STK4: variants seen among roughly 807,000 people sequenced by gnomAD.
STK4 encodes serine/threonine kinase 4.
In STK4, 30 loss-of-function variants were observed where a neutral mutation model predicts 64.9. The observed-to-expected ratio is 0.46, with a 90% CI of 0.35 to 0.63. The LOEUF is 0.63. Among genes scored for constraint, STK4 ranks in the 20% least tolerant of loss-of-function variants. STK4 has a pLI of 0.01. For synonymous variants in STK4, 177 were observed against 199.0 expected (o/e 0.89, Z 0.93); for missense variants, 466 against 598.5 (o/e 0.78, Z 2.31).
intron 10 of STK4, among the ~76,000 whole-genome samples, chr20:45,044,377 G>A (rs1263812882): frequency 6.6e-6 from 1 of 152,140 alleles, no homozygotes; most frequent in Non-Finnish European, 1.5e-5. Flanking sequence ...CCGAACCAGT[G>A]GCTCATGCCT....
At chr20:44,987,965 C>T (rs539082219) in intron 5 of STK4, among the ~76,000 whole-genome samples, 19 of 149,948 alleles carry the variant, frequency 1.3e-4, no homozygotes, top group South Asian at 1.0e-3. Context: ...GTGTTATGTA[C>T]GGTTTTTTTT....
At chr20:45,029,192 T>G (rs1308089286) in intron 10 of STK4, among the ~76,000 whole-genome samples, 1 of 152,208 alleles carries the variant, frequency 6.6e-6, no homozygotes, top group Non-Finnish European at 1.5e-5. Context: ...CCTACATTAT[T>G]GGTTAATGGT....
At chr20:45,012,272 G>A (rs1178975169) in intron 9 of STK4, among the ~76,000 whole-genome samples, 2 of 152,056 alleles carry the variant, frequency 1.3e-5, no homozygotes, top group Non-Finnish European at 2.9e-5. Context: ...CTGACCTCGT[G>A]ATCCGTCCAC....
intron 1 of STK4, 59 bp downstream of exon 1, chr20:44,966,662 T>TG (rs2067155428): frequency 3.2e-6 from 4 of 1,258,510 alleles, no homozygotes; most frequent in Non-Finnish European, 4.0e-6. Flanking sequence ...AGGCGGGAAC[T>TG]GGTTGAGGGG....
rs551567076 is a variant in STK4 at position 45,005,570 on chromosome 20, C to T, written c.1147+4217C>T. On this transcript the variant is annotated intron_variant, in intron 9 of 10. Transcript: ENST00000372806. ...GGCTAAGGCAGGAGAGTGGCGTGAA[C>T]CTGGGAGGCGGAGGTTGCAGTGAAC... 1.2e-3 allele frequency among the ~76,000 whole-genome samples: 187 copies of T among 150,532 alleles called. 1 individual carries two copies. Among genetic ancestry groups the T allele is most frequent in the Non-Finnish European group, 2.2e-3 (148 of 67,774 alleles).
chr20:44,998,934 G>A (rs150267989), intron 7 of STK4, among the ~76,000 whole-genome samples: 303 of 152,150 alleles, frequency 2.0e-3, no homozygotes, highest in African/African-American at 6.9e-3. Flanking sequence ...TGAGCTGGGC[G>A]TGGTGGCGCA....
At chr20:45,038,393 T>TA in intron 10 of STK4, among the ~76,000 whole-genome samples, 1 of 152,288 alleles carries the variant, frequency 6.6e-6, no homozygotes, top group Admixed American at 6.5e-5. Context: ...AATGCCTTGT[T>TA]ACTGTTTAGT....
At chr20:44,978,686 G>A (rs2067381078) in intron 3 of STK4, 115 bp downstream of exon 3, 4 of 1,186,800 alleles carry the variant, frequency 3.4e-6, no homozygotes, top group Admixed American at 2.9e-5. Context: ...GGGAGAATTC[G>A]ATGGAATCAC....
In STK4 at chr20:45,078,204, T is replaced by C. The variant is rs557354588; in HGVS notation, c.*3028T>C. On this transcript the variant is annotated 3_prime_UTR_variant, in exon 11 of 11. Coordinates refer to ENST00000372806, the MANE Select transcript of STK4 (RefSeq NM_006282.5). ...AAAAATCTCAGAATTCTTTTTTTGT[T>C]TGTGTTTTTTTTTTTTTTTGAGACA... 2 of 147,986 alleles carry C rather than the reference T, an allele frequency of 1.4e-5. No homozygotes were observed. The highest frequency in any genetic ancestry group is 2.2e-4 in the South Asian group (1 of 4,578). The allele number at this position is 147,986 out of a possible 1,614,324, so 9.2% of individuals were successfully genotyped here.
At chr20:45,074,871 C>G in intron 10 of STK4, 147 bp from the exon 11 acceptor site, 2 of 872,672 alleles carry the variant, frequency 2.3e-6, no homozygotes, top group South Asian at 3.8e-5. Context: ...TTGTCACTTT[C>G]CAACCACCAC....
At position 45,020,439 on chromosome 20, in the gene STK4, C is replaced by CGT. The variant is rs60999826; in HGVS notation, c.1148-4507_1148-4506dup. Among the ~76,000 whole-genome samples, 581 of 145,302 alleles carry CGT rather than the reference C, an allele frequency of 4.0e-3. 2 individuals carry two copies. The highest frequency in any genetic ancestry group is 0.022 in the Middle Eastern group (6 of 278). ...CCAGATTTAGGGGTGTATGTTTATG[C>CGT]GTGTGTGTGTGTGTGTGTGTGTGTG... On this transcript the variant is annotated intron_variant, in intron 9 of 10. Coordinates refer to ENST00000372806, the MANE Select transcript of STK4 (RefSeq NM_006282.5).
intron 5 of STK4, among the ~76,000 whole-genome samples, chr20:44,992,697 T>A (rs1376033604): frequency 6.6e-6 from 1 of 150,460 alleles, no homozygotes; most frequent in Non-Finnish European, 1.5e-5. Context: ...TTTTGTTTGT[T>A]TTTTGTTTTT....
chr20:44,983,906 G>A (rs1182134209), intron 4 of STK4, among the ~76,000 whole-genome samples: 1 of 152,070 alleles, frequency 6.6e-6, no homozygotes, highest in Non-Finnish European at 1.5e-5. Flanking sequence ...TTCAGAATTA[G>A]TGTGTTTGCT....
chr20:45,003,851 C>T (rs761416008), intron 9 of STK4, among the ~76,000 whole-genome samples: 5 of 150,346 alleles, frequency 3.3e-5, no homozygotes, highest in African/African-American at 4.9e-5. Flanking sequence ...CGAGTAGCTG[C>T]GACTACAGGC....
At position 44,981,880 on chromosome 20, in the gene STK4, G is replaced by A. The variant is rs371926152; in HGVS notation, c.297G>A (p.Trp99Ter). Residue 99 changes from tryptophan (W) to a stop codon, truncating the protein, a stop_gained, in exon 4 of 11, where the codon TGG becomes TGA. Coordinates refer to ENST00000372806, the MANE Select transcript of STK4 (RefSeq NM_006282.5). LOFTEE classifies it high-confidence loss of function. ...YGSYFKNTDL[W>*]IVMEYCGAGS... The stretch of plus-strand genomic sequence containing the variant: ...GTTATTTTAAGAACACAGACTTATG[G>A]ATCGTTATGGAGTACTGTGGGGCTG... 2.5e-6 allele frequency: 4 copies of A among 1,613,880 alleles called. No homozygotes were observed. Among genetic ancestry groups the A allele is most frequent in the Non-Finnish European group, 3.4e-6 (4 of 1,179,940 alleles).
intron 10 of STK4, among the ~76,000 whole-genome samples, chr20:45,062,986 G>A (rs569182287): frequency 2.7e-4 from 17 of 63,588 alleles, no homozygotes; most frequent in South Asian, 9.6e-4. Flanking sequence ...CACCGCACCC[G>A]GCCTTTTTTT....
chr20:44,971,504 T>C (rs1299180074), intron 1 of STK4, among the ~76,000 whole-genome samples: 1 of 152,204 alleles, frequency 6.6e-6, no homozygotes, highest in Non-Finnish European at 1.5e-5. Context: ...TTCCTTAGTC[T>C]GCAGTCCAAT....
intron 10 of STK4, among the ~76,000 whole-genome samples, chr20:45,047,892 TG>T (rs1460535987): frequency 1.3e-5 from 2 of 152,214 alleles, no homozygotes; most frequent in African/African-American, 4.8e-5. Context: ...CTAACCTTTC[TG>T]GGACTCTGTT....
intron 10 of STK4, among the ~76,000 whole-genome samples, chr20:45,045,448 A>G (rs2068678486): frequency 6.6e-6 from 1 of 152,238 alleles, no homozygotes; most frequent in South Asian, 2.1e-4. Flanking sequence ...AAACAAAAAC[A>G]AAAACTATGC....
Sources: allele counts gnomAD v4.1 joint callset (sites outside exome capture counted in the v4.1 genomes callset), GRCh38; gene constraint gnomAD v4.1.1; transcripts MANE v1.5; gene names NCBI Gene and HGNC (gene_info 2026-07-23, HGNC 2026-07-21).